PIR: variants seen among roughly 807,000 people sequenced by gnomAD.
PIR encodes the protein pirin, also known as pirin (iron-binding nuclear protein).
Under a neutral mutation model 24.2 loss-of-function variants are expected in PIR, and 22 were observed. The ratio of observed to expected loss-of-function variants is 0.91; its 90% confidence interval spans 0.65 to 1.30. The LOEUF (loss-of-function observed/expected upper bound fraction) is 1.30. PIR is among the 50% of genes most tolerant of loss of function. PIR has a pLI of 0.00. For missense variants in PIR, 220 were observed against 220.3 expected, an observed-to-expected ratio of 1.00 and a Z score of 0.01; for synonymous variants, 80 against 79.6, an observed-to-expected ratio of 1.00 and a Z score of -0.03.
chrX:15,433,544 G>GAAAGAAAGAAAGAA lies in PIR; in HGVS notation c.481-7555_481-7554insTTCTTTCTTTCTTT, dbSNP rs780968509. Among the ~76,000 whole-genome samples the GAAAGAAAGAAAGAA allele has an allele frequency of 6.2e-3, 365 of 58,729 alleles. 13 individuals are homozygous for GAAAGAAAGAAAGAA. The highest frequency in any genetic ancestry group is 0.02 in the East Asian group (36 of 1,810). The allele number at this position is 58,729 out of a possible 115,157, so 51.0% of individuals were successfully genotyped here. On this transcript the variant is annotated intron_variant, in intron 5 of 9. Coordinates refer to ENST00000380420, the MANE Select transcript of PIR (RefSeq NM_001018109.3). ...AGAAAGAAAGAAAGAAAGAAAGAAA[G>GAAAGAAAGAAAGAA]AGAGAGAAAGAAAGAAAGAGAGAGA...
intron 5 of PIR, among the ~76,000 whole-genome samples, chrX:15,438,569 G>T (rs1341265536): frequency 1.6e-4 from 18 of 112,168 alleles, no homozygotes; most frequent in African/African-American, 5.8e-4. Flanking sequence ...CTATCTCATT[G>T]TGAGAATTCA....
chrX:15,473,229 T>A (rs957108805), intron 3 of PIR, among the ~76,000 whole-genome samples: 1 of 111,595 alleles, frequency 9.0e-6, no homozygotes, highest in Non-Finnish European at 1.9e-5. Flanking sequence ...GTCTGGAGAC[T>A]TTTTTTTATT....
chrX:15,483,176 A>T (rs769650103), intron 2 of PIR, among the ~76,000 whole-genome samples: 3 of 47,711 alleles, frequency 6.3e-5, no homozygotes, highest in African/African-American at 2.7e-4. Flanking sequence ...TATATATATA[A>T]ATTCAACAAG....
At chrX:15,462,575 T>C (rs1921351675) in intron 3 of PIR, among the ~76,000 whole-genome samples, 1 of 112,520 alleles carries the variant, frequency 8.9e-6, no homozygotes, top group Non-Finnish European at 1.9e-5. Flanking sequence ...TCCTCCTCTA[T>C]ACAAGCACTC....
intron 6 of PIR, among the ~76,000 whole-genome samples, chrX:15,412,971 A>G (rs1469423295): frequency 8.9e-6 from 1 of 112,301 alleles, no homozygotes; most frequent in Non-Finnish European, 1.9e-5. Flanking sequence ...AAAATAAGGA[A>G]TGAATACGTA....
intron 3 of PIR, among the ~76,000 whole-genome samples, chrX:15,476,094 A>T (rs1444397417): frequency 8.9e-6 from 1 of 112,186 alleles, no homozygotes; most frequent in Non-Finnish European, 1.9e-5. Flanking sequence ...CAATCATTTG[A>T]TGATGTAGAA....
chrX:15,456,104 G>C (rs771292839), intron 4 of PIR, 50 bp from the exon 5 acceptor site: 1 of 1,011,913 alleles, frequency 9.9e-7, no homozygotes, highest in Non-Finnish European at 1.4e-6. Flanking sequence ...CTCCTAATAA[G>C]TCTATAGGTG....
At chrX:15,442,794 G>A (rs1925962337) in intron 5 of PIR, among the ~76,000 whole-genome samples, 1 of 112,126 alleles carries the variant, frequency 8.9e-6, no homozygotes, top group Admixed American at 9.5e-5. Context: ...AGAGAGGTGA[G>A]GAAACTGCAG....
chrX:15,491,377 T>C (rs1923151030), intron 1 of PIR, 68 bp from the exon 2 acceptor site: 4 of 467,755 alleles, frequency 8.6e-6, no homozygotes, highest in Non-Finnish European at 1.5e-5. Flanking sequence ...ACAAAATAAA[T>C]GATATTAAGA....
chrX:15,426,505 G>A (rs170905), intron 5 of PIR, among the ~76,000 whole-genome samples: 26,483 of 111,207 alleles, frequency 0.24, 2,576 homozygotes, highest in East Asian at 0.5. Flanking sequence ...TGTAAGAAAG[G>A]CAAACTTTTG....
At chrX:15,482,926 C>T (rs780661862) in intron 2 of PIR, among the ~76,000 whole-genome samples, 2 of 110,668 alleles carry the variant, frequency 1.8e-5, no homozygotes, top group African/African-American at 3.3e-5. Flanking sequence ...ACCATTATGG[C>T]TATGAAACTA....
At position 15,397,425 on chromosome X, in the gene PIR, G is replaced by C. The variant is rs931751064; in HGVS notation, c.693+24C>G. ...CCAGTAGAAAGTACATGTTAAGAAA[G>C]TTAAAGGAAAATAACATACTTACCT... On this transcript the variant is annotated intron_variant, in intron 8 of 9. Transcript: ENST00000380420. The C allele has an allele frequency of 2.8e-6, 3 of 1,070,478 alleles. No homozygotes were observed. In the Admixed American group the frequency reaches 6.6e-5, roughly 23 times the overall value. The allele number at this position is 1,070,478 out of a possible 1,213,427, so 88.2% of individuals were successfully genotyped here.
intron 7 of PIR, among the ~76,000 whole-genome samples, chrX:15,406,563 C>T (rs972364381): frequency 1.8e-5 from 2 of 111,633 alleles, no homozygotes; most frequent in African/African-American, 3.3e-5. Flanking sequence ...AGCCTTCAAG[C>T]AAAGTGACAC....
In PIR at chrX:15,459,584, G is replaced by A. The variant is rs1377769037; in HGVS notation, c.273+73C>T. 66 of 578,219 alleles carry A rather than the reference G, an allele frequency of 1.1e-4. No homozygotes were observed. In the East Asian group the frequency reaches 1.5e-3, roughly 13 times the overall value. 47.7% of individuals were successfully genotyped at this position (578,219 alleles called of 1,213,427 possible). A position where few individuals can be genotyped will look rare whatever the true frequency, so the allele number is the denominator to read the frequency against. ...AGAGTGTGGAAAGGGTGAATGTACTGGAAGTGGGCAGGATCAAGCACGTGC... is the reference window on the plus strand; with the variant it reads ...AGAGTGTGGAAAGGGTGAATGTACTAGAAGTGGGCAGGATCAAGCACGTGC... On this transcript the variant is annotated intron_variant, in intron 4 of 9. Transcript: ENST00000380420.
At chrX:15,449,126 C>T (rs1179460578) in intron 5 of PIR, among the ~76,000 whole-genome samples, 2 of 111,869 alleles carry the variant, frequency 1.8e-5, no homozygotes, top group African/African-American at 6.5e-5. Context: ...TGCTTGTCGG[C>T]CAGGACAGCT....
intron 2 of PIR, among the ~76,000 whole-genome samples, chrX:15,487,171 G>C (rs1166978522): frequency 8.9e-6 from 1 of 112,010 alleles, no homozygotes; most frequent in Non-Finnish European, 1.9e-5. Flanking sequence ...GAATGGACTT[G>C]AGCTGTGACT....
At chrX:15,455,562 AAGGAATT>A (rs1293145078) in intron 5 of PIR, among the ~76,000 whole-genome samples, 4 of 112,518 alleles carry the variant, frequency 3.6e-5, no homozygotes, top group African/African-American at 1.3e-4. Context: ...CTATAAGTGA[AAGGAATT>A]AGGCTAAATC....
intron 9 of PIR, among the ~76,000 whole-genome samples, chrX:15,388,978 C>T (rs937206378): frequency 2.5e-4 from 28 of 111,906 alleles, no homozygotes; most frequent in African/African-American, 9.1e-4. Flanking sequence ...TCCCTGTGTT[C>T]CAAGCCACTG....
At position 15,426,003 on chromosome X, in the gene PIR, A is replaced by T. The variant is rs1392377588; in HGVS notation, c.481-13T>A. The T allele has an allele frequency of 2.8e-6, 3 of 1,089,939 alleles. No individual in the cohort carries two copies. In the Admixed American group the frequency reaches 6.6e-5, roughly 24 times the overall value. The allele number at this position is 1,089,939 out of a possible 1,213,427, so 89.8% of individuals were successfully genotyped here. A position where few individuals can be genotyped will look rare whatever the true frequency, so the allele number is the denominator to read the frequency against. On this transcript the variant is annotated splice_polypyrimidine_tract_variant and intron_variant, in intron 5 of 9. Coordinates refer to ENST00000380420, the MANE Select transcript of PIR (RefSeq NM_001018109.3). ...TGTAAACCTTGGACTGAAAAGGAAA[A>T]GGAAACCATCAGTGTTTTTTTCTAA...
Sources: gnomAD v4.1 joint callset for allele counts (sites outside exome capture counted in the v4.1 genomes callset) on GRCh38, gnomAD v4.1.1 for gene constraint, MANE v1.5 for transcripts, NCBI Gene and HGNC (gene_info 2026-07-23, HGNC 2026-07-21) for gene names.